Variants in KIRREL3 observed in about 807,000 individuals in gnomAD.
KIRREL3 encodes kin of IRRE-like protein 3.
In KIRREL3, 36 loss-of-function variants were observed where a neutral mutation model predicts 89.7. The ratio of observed to expected loss-of-function variants is 0.40; its 90% confidence interval spans 0.31 to 0.53. KIRREL3 has a LOEUF of 0.53. KIRREL3 is among the 20% of genes least tolerant of loss of function. The pLI is 0.49. For missense variants in KIRREL3, 864 were observed against 1,056.6 expected, an observed-to-expected ratio of 0.82 and a Z score of 2.53; for synonymous variants, 445 against 441.4, an observed-to-expected ratio of 1.01 and a Z score of -0.10.
chr11:126,646,506 G>A (rs1025857057), intron 1 of KIRREL3, among the ~76,000 whole-genome samples: 4 of 129,954 alleles, frequency 3.1e-5, no homozygotes, highest in Non-Finnish European at 6.2e-5. Context: ...ACAGAGTCTC[G>A]TTCTGTTGCT....
rs1301829245 is a variant in KIRREL3, at chr11:126,610,378, C to T, written c.56-47466G>A. ...AATTGCTGGGATTACAGGCATGAGC[C>T]TGCTTGTCTGAACTGTAAGAGGATT... is the stretch of plus-strand genomic sequence containing the variant. On this transcript the variant is annotated intron_variant, in intron 1 of 16. Transcript: ENST00000525144. The surrounding 1 kb of genome is among the most constrained non-coding windows in gnomAD (Gnocchi z 4.6). Among the ~76,000 whole-genome samples, 2 of 152,226 alleles carry T rather than the reference C, an allele frequency of 1.3e-5. No homozygotes were observed. Among genetic ancestry groups the T allele is most frequent in the Non-Finnish European group, 2.9e-5 (2 of 68,042 alleles).
Position 126,562,357 on chromosome 11 carries a change from T to C in KIRREL3, c.133+478A>G, listed in dbSNP as rs1261337098. On this transcript the variant is annotated intron_variant, in intron 2 of 16. Transcript: ENST00000525144. This position sits in a 1 kb window ranked among gnomAD's most constrained non-coding sequence, Gnocchi z 4.7. ...CAGTGGAGTTGGGAAAGGGGGCAGG[T>C]TTCCTAGGGTAAGTTCTTTGGGAAT... is the stretch of plus-strand genomic sequence containing the variant. Among the ~76,000 whole-genome samples, 1 of 152,136 alleles carries C rather than the reference T, an allele frequency of 6.6e-6. No individual in the cohort carries two copies. Among genetic ancestry groups the C allele is most frequent in the Non-Finnish European group, 1.5e-5 (1 of 68,020 alleles).
rs1049054417 is a variant in KIRREL3, at chr11:126,807,540, C to T, written c.55+192915G>A. On this transcript the variant is annotated intron_variant, in intron 1 of 16. Transcript: ENST00000525144. The surrounding 1 kb of genome is among the most constrained non-coding windows in gnomAD (Gnocchi z 4.3). ...CCAAATCTCCCAGTGATATGTGCAC[C>T]ACGGTAGGGAACACAGGTTTCGTGC... Among the ~76,000 whole-genome samples, 1 of 152,128 alleles carries T rather than the reference C, an allele frequency of 6.6e-6. No individual in the cohort carries two copies. Among genetic ancestry groups the T allele is most frequent in the African/African-American group, 2.4e-5 (1 of 41,428 alleles).
chr11:126,632,791 TAAA>T (rs755510570), intron 1 of KIRREL3, among the ~76,000 whole-genome samples: 2 of 48,530 alleles, frequency 4.1e-5, no homozygotes, highest in Non-Finnish European at 9.4e-5. Context: ...AGTCTAAACT[TAAA>T]AAAAAAAAAA....
rs1490698007 is a variant in KIRREL3 at position 126,755,775 on chromosome 11, A to C, written c.56-192863T>G. On this transcript the variant is annotated intron_variant, in intron 1 of 16. Transcript: ENST00000525144. This position sits in a 1 kb window ranked among gnomAD's most constrained non-coding sequence, Gnocchi z 4.3. ...CATGCCCCTTCTTTGCACTTTTTCCACCCCCTCACCACTACCCTGAATGCG... is the reference window on the plus strand; with the variant it reads ...CATGCCCCTTCTTTGCACTTTTTCCCCCCCCTCACCACTACCCTGAATGCG... Among the ~76,000 whole-genome samples the C allele has an allele frequency of 1.4e-5, 2 of 147,392 alleles. No individual in the cohort carries two copies. The highest frequency in any genetic ancestry group is 2.5e-5 in the African/African-American group (1 of 39,600).
At chr11:126,911,004 C>T (rs981619118) in intron 1 of KIRREL3, among the ~76,000 whole-genome samples, 5 of 152,178 alleles carry the variant, frequency 3.3e-5, no homozygotes, top group African/African-American at 4.8e-5. Flanking sequence ...TGCACCTGCC[C>T]TGGGCCACAG....
chr11:126,983,591 GGTT>G lies in KIRREL3; in HGVS notation c.55+16861_55+16863del, dbSNP rs1272418121. Reference sequence around the variant, plus strand: ...AGGTGAGGTGAAGATGGAAGCAAGAGGTTGGAGTGAAGGGAGGAAGGGGCCACG... The same window carrying G: ...AGGTGAGGTGAAGATGGAAGCAAGAGGGAGTGAAGGGAGGAAGGGGCCACG... On this transcript the variant is annotated intron_variant, in intron 1 of 16. Transcript: ENST00000525144. The surrounding 1 kb of genome is among the most constrained non-coding windows in gnomAD (Gnocchi z 4.9). Among the ~76,000 whole-genome samples the G allele has an allele frequency of 6.6e-6, 1 of 152,178 alleles. No homozygotes were observed. The highest frequency in any genetic ancestry group is 6.5e-5 in the Admixed American group (1 of 15,288).
At position 126,571,058 on chromosome 11, in the gene KIRREL3, G is replaced by A. The variant is rs1022567091; in HGVS notation, c.56-8146C>T. ...TCCTGAGTCCCACAGCTGGCAAATG[G>A]TGAGGCTTGCCGTACACCTCCATGT... On this transcript the variant is annotated intron_variant, in intron 1 of 16. Coordinates refer to ENST00000525144, the MANE Select transcript of KIRREL3 (RefSeq NM_032531.4). This position sits in a 1 kb window ranked among gnomAD's most constrained non-coding sequence, Gnocchi z 7.7. Among the ~76,000 whole-genome samples the A allele has an allele frequency of 6.6e-6, 1 of 152,162 alleles. No individual in the cohort carries two copies. The highest frequency in any genetic ancestry group is 1.5e-5 in the Non-Finnish European group (1 of 68,038).
rs1050467976 is a variant in KIRREL3, at chr11:126,897,936, G to T, written c.55+102519C>A. 1.3e-5 allele frequency among the ~76,000 whole-genome samples: 2 copies of T among 152,160 alleles called. No homozygotes were observed. Among genetic ancestry groups the T allele is most frequent in the Non-Finnish European group, 2.9e-5 (2 of 68,038 alleles). On this transcript the variant is annotated intron_variant, in intron 1 of 16. Transcript: ENST00000525144. This position sits in a 1 kb window ranked among gnomAD's most constrained non-coding sequence, Gnocchi z 4.2. ...GCAGAGGACACATCATTCTGCCTCTGCTTGGGAAGGGGGAGTGGGTGGGAG... is the reference window on the plus strand; with the variant it reads ...GCAGAGGACACATCATTCTGCCTCTTCTTGGGAAGGGGGAGTGGGTGGGAG...
In KIRREL3 at chr11:126,623,268, T is replaced by C. The variant is rs111656456; in HGVS notation, c.56-60356A>G. Among the ~76,000 whole-genome samples, 3,807 of 152,234 alleles carry C rather than the reference T, an allele frequency of 0.025. 163 individuals are homozygous for C. The highest frequency in any genetic ancestry group is 0.085 in the African/African-American group (3,528 of 41,526). On this transcript the variant is annotated intron_variant, in intron 1 of 16. Transcript: ENST00000525144. This position sits in a 1 kb window ranked among gnomAD's most constrained non-coding sequence, Gnocchi z 4.1. Reference sequence around the variant, plus strand: ...ATGAGGATGGGAAACCAAAGTGTCTTTGCACATAAACAGACTGCCTCCCTG... The same window carrying C: ...ATGAGGATGGGAAACCAAAGTGTCTCTGCACATAAACAGACTGCCTCCCTG...
Position 126,541,313 on chromosome 11 carries a change from G to A in KIRREL3, c.134-14626C>T, listed in dbSNP as rs1409956479. 6.6e-6 allele frequency among the ~76,000 whole-genome samples: 1 copy of A among 152,150 alleles called. No individual in the cohort carries two copies. The highest frequency in any genetic ancestry group is 2.4e-5 in the African/African-American group (1 of 41,420). On this transcript the variant is annotated intron_variant, in intron 2 of 16. Coordinates refer to ENST00000525144, the MANE Select transcript of KIRREL3 (RefSeq NM_032531.4). This position sits in a 1 kb window ranked among gnomAD's most constrained non-coding sequence, Gnocchi z 4.8. ...CTGACTCTTTAACTAAGACTCAGATGCCTTATCTGTAAAATGCAAGGTTTA... is the reference window on the plus strand; with the variant it reads ...CTGACTCTTTAACTAAGACTCAGATACCTTATCTGTAAAATGCAAGGTTTA...
rs536000844 is a variant in KIRREL3 at position 126,523,911 on chromosome 11, T to C, written c.284-2447A>G. On this transcript the variant is annotated intron_variant, in intron 3 of 16. Coordinates refer to ENST00000525144, the MANE Select transcript of KIRREL3 (RefSeq NM_032531.4). The surrounding 1 kb of genome is among the most constrained non-coding windows in gnomAD (Gnocchi z 4.9). Reference sequence around the variant, plus strand: ...CTGAAAACATCAGTGATGGGTTTGTTTGTATTTGCCTAATTAGGCAGTGAG... The same window carrying C: ...CTGAAAACATCAGTGATGGGTTTGTCTGTATTTGCCTAATTAGGCAGTGAG... 1.1e-4 allele frequency among the ~76,000 whole-genome samples: 17 copies of C among 152,276 alleles called. No homozygotes were observed. Among genetic ancestry groups the C allele is most frequent in the Admixed American group, 7.8e-4 (12 of 15,294 alleles).
chr11:126,713,893 T>C (rs1947855946), intron 1 of KIRREL3, among the ~76,000 whole-genome samples: 1 of 152,112 alleles, frequency 6.6e-6, no homozygotes, highest in Admixed American at 6.5e-5. Flanking sequence ...AGCACAGTGC[T>C]TGGAGGACCT....
chr11:126,451,378 G>A lies in KIRREL3; in HGVS notation c.849-2221C>T, dbSNP rs566827179. Reference sequence around the variant, plus strand: ...TATGTGAGTGTGACTATGTGTGAGCGTGTGCATGTGTGAACGTGTGCATGT... The same window carrying A: ...TATGTGAGTGTGACTATGTGTGAGCATGTGCATGTGTGAACGTGTGCATGT... On this transcript the variant is annotated intron_variant, in intron 7 of 16. Coordinates refer to ENST00000525144, the MANE Select transcript of KIRREL3 (RefSeq NM_032531.4). Among the ~76,000 whole-genome samples the A allele has an allele frequency of 6.7e-5, 8 of 119,178 alleles. No homozygotes were observed. In the East Asian group the frequency reaches 1.2e-3, roughly 19 times the overall value. 78.2% of individuals were successfully genotyped at this position (119,178 alleles called of 152,430 possible).
In KIRREL3 at chr11:126,513,425, TCTC is replaced by T. The variant is rs1361700010; in HGVS notation, c.433+7887_433+7889del. Among the ~76,000 whole-genome samples, 2 of 152,078 alleles carry T rather than the reference TCTC, an allele frequency of 1.3e-5. No individual in the cohort carries two copies. Among genetic ancestry groups the T allele is most frequent in the East Asian group, 1.9e-4 (1 of 5,162 alleles). On this transcript the variant is annotated intron_variant, in intron 4 of 16. Coordinates refer to ENST00000525144, the MANE Select transcript of KIRREL3 (RefSeq NM_032531.4). The surrounding 1 kb of genome is among the most constrained non-coding windows in gnomAD (Gnocchi z 5.9). Reference sequence around the variant, plus strand: ...GCTGTGCATTCCTTGCATCAGGTCTTCTCCTTCTTGGAGAGGCTCCTGCCTGCC... The same window carrying T: ...GCTGTGCATTCCTTGCATCAGGTCTTCTTCTTGGAGAGGCTCCTGCCTGCC...
rs746159610 is a variant in KIRREL3 at position 126,668,950 on chromosome 11, TGACA to T, written c.56-106042_56-106039del. On this transcript the variant is annotated intron_variant, in intron 1 of 16. Coordinates refer to ENST00000525144, the MANE Select transcript of KIRREL3 (RefSeq NM_032531.4). This position sits in a 1 kb window ranked among gnomAD's most constrained non-coding sequence, Gnocchi z 4.4. The stretch of plus-strand genomic sequence containing the variant: ...CTGCCTATGTTGGGGTGCTGGGTAC[TGACA>T]GTAAGAGTGTCCAGGATGAGGGAAT... 6.6e-6 allele frequency among the ~76,000 whole-genome samples: 1 copy of T among 152,104 alleles called. No homozygotes were observed. The highest frequency in any genetic ancestry group is 2.4e-5 in the African/African-American group (1 of 41,412).
chr11:126,737,937 T>G (rs767935900), intron 1 of KIRREL3, among the ~76,000 whole-genome samples: 1 of 152,196 alleles, frequency 6.6e-6, no homozygotes, highest in Non-Finnish European at 1.5e-5. Context: ...ACAGTCACCC[T>G]GTGGTACTAC....
At position 126,443,440 on chromosome 11, in the gene KIRREL3, T is replaced by G. The variant is rs1185679794; in HGVS notation, c.1252+1539A>C. ...GATGCTGTTATTTTTAGCCCTGCAGTGCCAATTTATTGGTGGCATCCTGGG... is the reference window on the plus strand; with the variant it reads ...GATGCTGTTATTTTTAGCCCTGCAGGGCCAATTTATTGGTGGCATCCTGGG... On this transcript the variant is annotated intron_variant, in intron 10 of 16. Coordinates refer to ENST00000525144, the MANE Select transcript of KIRREL3 (RefSeq NM_032531.4). This position sits in a 1 kb window ranked among gnomAD's most constrained non-coding sequence, Gnocchi z 7.3. 4.6e-5 allele frequency among the ~76,000 whole-genome samples: 7 copies of G among 152,134 alleles called. No individual in the cohort carries two copies. Among genetic ancestry groups the G allele is most frequent in the Non-Finnish European group, 7.4e-5 (5 of 68,024 alleles).
intron 5 of KIRREL3, among the ~76,000 whole-genome samples, chr11:126,466,973 C>T (rs1956744744): frequency 2.6e-5 from 4 of 152,238 alleles, no homozygotes; most frequent in Admixed American, 2.6e-4. Flanking sequence ...CCCAGGTTGC[C>T]CATGTGACTG....
Sources: allele counts gnomAD v4.1 joint callset (sites outside exome capture counted in the v4.1 genomes callset), GRCh38; gene constraint gnomAD v4.1.1; non-coding constraint Gnocchi (gnomAD v3.1); transcripts MANE v1.5; gene names NCBI Gene and HGNC (gene_info 2026-07-23, HGNC 2026-07-21).